Variants in MARK2 observed in about 807,000 individuals in gnomAD.
MARK2 encodes microtubule affinity regulating kinase 2.
A neutral mutation model predicts 89.8 loss-of-function variants in MARK2; 16 were observed. That is an observed-to-expected ratio of 0.18 (90% CI 0.12 to 0.27). MARK2 has a LOEUF of 0.27. Ranked by LOEUF, MARK2 falls within the 10% of genes least tolerant of loss-of-function variation. The pLI is 1.00. For missense variants in MARK2, 621 were observed against 1,049.9 expected (o/e 0.59, Z 5.65); for synonymous variants, 382 against 399.5 (o/e 0.96, Z 0.52).
intron 1 of MARK2, among the ~76,000 whole-genome samples, chr11:63,844,141 C>T (rs751175692): frequency 6.6e-6 from 1 of 152,136 alleles, no homozygotes; most frequent in Non-Finnish European, 1.5e-5. Flanking sequence ...CCTTGGAGTT[C>T]GTAACCTTTG....
chr11:63,875,457 G>A (rs1230506171), intron 1 of MARK2, among the ~76,000 whole-genome samples: 1 of 151,984 alleles, frequency 6.6e-6, no homozygotes, highest in African/African-American at 2.4e-5. Context: ...TCATTATGTG[G>A]CCTAGGCTGG....
At chr11:63,890,770 C>T (rs1191695453) in intron 1 of MARK2, among the ~76,000 whole-genome samples, 2 of 152,224 alleles carry the variant, frequency 1.3e-5, no homozygotes, top group Admixed American at 1.3e-4. Flanking sequence ...AATGATTGCT[C>T]TTATTGAACA....
intron 1 of MARK2, among the ~76,000 whole-genome samples, chr11:63,856,914 T>A (rs568728446): frequency 2.1e-4 from 32 of 151,342 alleles, no homozygotes; most frequent in Middle Eastern, 6.8e-3. Context: ...TTCACGCCAT[T>A]CTCCTGCCTC....
chr11:63,840,267 A>C (rs920700216), intron 1 of MARK2, among the ~76,000 whole-genome samples: 3 of 151,736 alleles, frequency 2.0e-5, no homozygotes, highest in African/African-American at 7.3e-5. Context: ...GTGTTTCCCC[A>C]CAGCTGTCAT....
chr11:63,897,724 T>C (rs563476871), intron 3 of MARK2, among the ~76,000 whole-genome samples: 3 of 152,316 alleles, frequency 2.0e-5, no homozygotes, highest in African/African-American at 7.2e-5. Context: ...AGTGGCTTCT[T>C]CTGTCACCAC....
In MARK2 at chr11:63,904,216, T is replaced by C. The variant is rs1941139980; in HGVS notation, c.1676+69T>C. 7.3e-7 allele frequency: 1 copy of C among 1,366,092 alleles called. No individual in the cohort carries two copies. Among genetic ancestry groups the C allele is most frequent in the Non-Finnish European group, 9.8e-7 (1 of 1,025,496 alleles). 84.6% of individuals were successfully genotyped at this position (1,366,092 alleles called of 1,614,324 possible). A position where few individuals can be genotyped will look rare whatever the true frequency, so the allele number is the denominator to read the frequency against. On this transcript the variant is annotated intron_variant, in intron 15 of 18. Transcript: ENST00000402010. The surrounding 1 kb of genome is among the most constrained non-coding windows in gnomAD (Gnocchi z 6.3). ...ACCCTACCCCCTTGCCCCAACAATT[T>C]CTTCTTCCCACTTGGGGGTCCTGCT...
intron 1 of MARK2, among the ~76,000 whole-genome samples, chr11:63,878,131 C>T (rs1050421144): frequency 1.3e-5 from 2 of 152,158 alleles, no homozygotes; most frequent in East Asian, 1.9e-4. Flanking sequence ...AGCATTTGCC[C>T]CTGTTATGTC....
intron 1 of MARK2, among the ~76,000 whole-genome samples, chr11:63,881,606 C>T (rs868094085): frequency 1.3e-5 from 2 of 152,048 alleles, no homozygotes; most frequent in African/African-American, 4.8e-5. Flanking sequence ...GATACTGGCT[C>T]TCATCTGTCA....
chr11:63,861,726 T>C (rs1175380152), intron 1 of MARK2, among the ~76,000 whole-genome samples: 1 of 149,018 alleles, frequency 6.7e-6, no homozygotes, highest in Admixed American at 7.2e-5. Flanking sequence ...TTTACATTCA[T>C]TAACTCATTT....
intron 1 of MARK2, among the ~76,000 whole-genome samples, chr11:63,889,792 A>G (rs1017928352): frequency 6.6e-6 from 1 of 152,200 alleles, no homozygotes; most frequent in South Asian, 2.1e-4. Flanking sequence ...TATTCTTTCT[A>G]AAGGCTACTT....
Position 63,900,984 on chromosome 11 carries a change from G to C in MARK2, c.1016G>C (p.Arg339Pro), listed in dbSNP as rs1425998930. 1 of 1,613,918 alleles carries C rather than the reference G, an allele frequency of 6.2e-7. No homozygotes were observed. Among genetic ancestry groups the C allele is most frequent in the African/African-American group, 1.3e-5 (1 of 74,896 alleles). The change falls in exon 11 of 19, where the codon CGG (arginine) becomes CCG (proline). Residue 339 changes from arginine (R) to proline (P), a missense_variant. This residue lies in a region of MARK2 where 397 missense variants were observed against 567.8 expected (regional missense o/e 0.70). Transcript: ENST00000402010. This position sits in a 1 kb window ranked among gnomAD's most constrained non-coding sequence, Gnocchi z 4.7. ...CTGATGGTGTCCATGGGTTATACAC[G>C]GGAAGAGATCCAGGACTCGCTGGTG... Reference protein sequence around the residue: ...TELMVSMGYTREEIQDSLVGQ... With the variant: ...TELMVSMGYTPEEIQDSLVGQ...
intron 1 of MARK2, among the ~76,000 whole-genome samples, chr11:63,864,881 A>G (rs1938039217): frequency 6.6e-6 from 1 of 152,008 alleles, no homozygotes; most frequent in Admixed American, 6.5e-5. Context: ...ACTTATCCAA[A>G]AGCACAATTA....
intron 17 of MARK2, among the ~76,000 whole-genome samples, chr11:63,907,645 G>A (rs1941453585): frequency 6.6e-6 from 1 of 152,194 alleles, no homozygotes; most frequent in African/African-American, 2.4e-5. Context: ...CAGCAGGTAG[G>A]GGAGTTGGGA....
chr11:63,853,116 T>A (rs924280689), intron 1 of MARK2, among the ~76,000 whole-genome samples: 1 of 152,178 alleles, frequency 6.6e-6, no homozygotes, highest in African/African-American at 2.4e-5. Context: ...ATTAAAGATT[T>A]AGCCAGGCGC....
rs111290448 is a variant in MARK2 at position 63,902,364 on chromosome 11, AC to A, written c.1234+38del. 1.3e-5 allele frequency: 21 copies of A among 1,612,744 alleles called. No homozygotes were observed. The highest frequency in any genetic ancestry group is 1.7e-4 in the Middle Eastern group (1 of 6,058). On this transcript the variant is annotated intron_variant, in intron 12 of 18. Coordinates refer to ENST00000402010, the MANE Select transcript of MARK2 (RefSeq NM_001039469.3). The surrounding 1 kb of genome is among the most constrained non-coding windows in gnomAD (Gnocchi z 4.2). ...TTTTGGGAGTTGTAGGTGGGGACTC[AC>A]CCCTCTCCAGAGAGGTTACAGGTTC...
At position 63,899,899 on chromosome 11, in the gene MARK2, A is replaced by G; in HGVS notation, c.557A>G (p.Asp186Gly). 6.2e-7 allele frequency: 1 copy of G among 1,614,034 alleles called. No homozygotes were observed. Among genetic ancestry groups the G allele is most frequent in the Non-Finnish European group, 8.5e-7 (1 of 1,179,922 alleles). ...LKAENLLLDA[D>G]MNIKIADFGF... The stretch of plus-strand genomic sequence containing the variant: ...GCAGAAAACCTGCTCTTGGATGCTG[A>G]TATGAACATCAAGATTGCAGACTTT... The change falls in exon 8 of 19, where the codon GAT becomes GGT. Residue 186 changes from aspartate (D) to glycine (G), a missense_variant. By Grantham distance (94) the Asp-to-Gly change is moderately conservative. Coordinates refer to ENST00000402010, the MANE Select transcript of MARK2 (RefSeq NM_001039469.3).
At chr11:63,852,071 C>CT (rs1327647309) in intron 1 of MARK2, among the ~76,000 whole-genome samples, 2 of 152,222 alleles carry the variant, frequency 1.3e-5, no homozygotes, top group African/African-American at 4.8e-5. Context: ...CACAGTGTTG[C>CT]TTTTTCACTC....
At chr11:63,856,952 C>T (rs903081570) in intron 1 of MARK2, among the ~76,000 whole-genome samples, 7 of 151,546 alleles carry the variant, frequency 4.6e-5, no homozygotes, top group Admixed American at 3.9e-4. Context: ...GGAGGGACTA[C>T]AGGCGCCCCC....
intron 1 of MARK2, among the ~76,000 whole-genome samples, chr11:63,886,558 G>C (rs1052238557): frequency 6.6e-6 from 1 of 152,106 alleles, no homozygotes; most frequent in Non-Finnish European, 1.5e-5. Context: ...CGAGTAGCTG[G>C]GATTACAGGT....
Sources: gnomAD v4.1 joint callset for allele counts (sites outside exome capture counted in the v4.1 genomes callset) on GRCh38, gnomAD v4.1.1 for gene constraint, gnomAD v4.1.1 regional missense constraint, Gnocchi (gnomAD v3.1) non-coding constraint, MANE v1.5 for transcripts, NCBI Gene and HGNC (gene_info 2026-07-23, HGNC 2026-07-21) for gene names.